The following PLXDC2 variants were observed in gnomAD, a reference collection of about 807,000 sequenced individuals.
The protein encoded by PLXDC2 is plexin domain containing 2.
PLXDC2 carries 40 observed loss-of-function variants against 68.9 expected under a neutral mutation model. The ratio of observed to expected loss-of-function variants is 0.58; its 90% confidence interval spans 0.45 to 0.76. The LOEUF (loss-of-function observed/expected upper bound fraction) is 0.76. Ranked by LOEUF, PLXDC2 falls within the 30% of genes least tolerant of loss-of-function variation. The pLI is 0.00. For missense variants in PLXDC2, 644 were observed against 661.9 expected (o/e 0.97, Z 0.30); for synonymous variants, 243 against 234.2 (o/e 1.04, Z -0.34).
At chr10:20,113,634 AT>A (rs1223633739) in intron 4 of PLXDC2, among the ~76,000 whole-genome samples, 10 of 152,068 alleles carry the variant, frequency 6.6e-5, no homozygotes, top group Non-Finnish European at 2.9e-5. Context: ...TTAAAAAAAA[AT>A]TTTTTTGAAC....
In PLXDC2 at chr10:19,929,552, T is replaced by A. The variant is rs147709208; in HGVS notation, c.113-72223T>A. Among the ~76,000 whole-genome samples the A allele has an allele frequency of 6.6e-3, 1,011 of 152,316 alleles. 17 individuals carry two copies. The highest frequency in any genetic ancestry group is 0.023 in the African/African-American group (958 of 41,568). ...ATCTTTTAAAAATCATGTTCTAAAGTGCCCTTGGATCTCTTTCCTTCTGAC... is the reference window on the plus strand; with the variant it reads ...ATCTTTTAAAAATCATGTTCTAAAGAGCCCTTGGATCTCTTTCCTTCTGAC... On this transcript the variant is annotated intron_variant, in intron 1 of 13. Coordinates refer to ENST00000377252, the MANE Select transcript of PLXDC2 (RefSeq NM_032812.9).
Position 20,282,708 on chromosome 10 carries a change from C to T in PLXDC2, c.*2889C>T, listed in dbSNP as rs1432027013. The T allele has an allele frequency of 2.0e-5, 3 of 152,114 alleles. No homozygotes were observed. Among genetic ancestry groups the T allele is most frequent in the African/African-American group, 7.2e-5 (3 of 41,422 alleles). 9.4% of individuals were successfully genotyped at this position (152,114 alleles called of 1,614,324 possible). A position where few individuals can be genotyped will look rare whatever the true frequency, so the allele number is the denominator to read the frequency against. On this transcript the variant is annotated 3_prime_UTR_variant, in exon 14 of 14. Coordinates refer to ENST00000377252, the MANE Select transcript of PLXDC2 (RefSeq NM_032812.9). ...TTGCAAAAATTCAAAAAATTGCAACCTCAGGCATAAATGGCTTAAGCCCAA... is the reference window on the plus strand; with the variant it reads ...TTGCAAAAATTCAAAAAATTGCAACTTCAGGCATAAATGGCTTAAGCCCAA...
At chr10:19,907,305 T>A (rs1373262263) in intron 1 of PLXDC2, among the ~76,000 whole-genome samples, 2 of 152,238 alleles carry the variant, frequency 1.3e-5, no homozygotes, top group Non-Finnish European at 2.9e-5. Flanking sequence ...CACTTGTGTC[T>A]TATTATCCAG....
chr10:19,956,137 G>T (rs1834065365), intron 1 of PLXDC2, among the ~76,000 whole-genome samples: 1 of 151,876 alleles, frequency 6.6e-6, no homozygotes, highest in Non-Finnish European at 1.5e-5. Flanking sequence ...ATCTCTATTA[G>T]GCTGTAAATT....
intron 3 of PLXDC2, among the ~76,000 whole-genome samples, chr10:20,051,573 T>C (rs1368242459): frequency 6.6e-6 from 1 of 151,838 alleles, no homozygotes; most frequent in African/African-American, 2.4e-5. Context: ...GTTTGGCCTC[T>C]GTCTTGTCAG....
intron 1 of PLXDC2, among the ~76,000 whole-genome samples, chr10:19,986,273 C>G (rs1180100706): frequency 6.6e-6 from 1 of 151,798 alleles, no homozygotes; most frequent in Non-Finnish European, 1.5e-5. Context: ...TAAATACAGT[C>G]GAGTTAGGAT....
chr10:20,188,968 G>A (rs1227490616), intron 9 of PLXDC2, among the ~76,000 whole-genome samples: 2 of 151,050 alleles, frequency 1.3e-5, no homozygotes, highest in East Asian at 4.0e-4. Context: ...GAGATAAATT[G>A]AACTTTGAAT....
At chr10:20,111,535 T>C (rs545259294) in intron 4 of PLXDC2, among the ~76,000 whole-genome samples, 5 of 152,360 alleles carry the variant, frequency 3.3e-5, no homozygotes, top group African/African-American at 1.2e-4. Flanking sequence ...TTTGGTTTAG[T>C]TTAGTTCAAA....
At chr10:19,997,566 T>C (rs1404612263) in intron 1 of PLXDC2, among the ~76,000 whole-genome samples, 2 of 152,214 alleles carry the variant, frequency 1.3e-5, no homozygotes, top group Non-Finnish European at 2.9e-5. Context: ...CAAAAAATGT[T>C]CAAATGTTTT....
At chr10:19,840,964 C>A (rs1428050062) in intron 1 of PLXDC2, among the ~76,000 whole-genome samples, 1 of 152,112 alleles carries the variant, frequency 6.6e-6, no homozygotes, top group African/African-American at 2.4e-5. Context: ...ATTACTGCCA[C>A]CAATTTAATT....
rs1034988618 is a variant in PLXDC2 at position 20,166,343 on chromosome 10, G to C, written c.883+1776G>C. On this transcript the variant is annotated intron_variant, in intron 7 of 13. Coordinates refer to ENST00000377252, the MANE Select transcript of PLXDC2 (RefSeq NM_032812.9). ...TCTCCTTGTTAGCTGAGAATTTGTG[G>C]GAGGCAATATTCAAGGGAATTGTTA... Among the ~76,000 whole-genome samples, 4 of 152,072 alleles carry C rather than the reference G, an allele frequency of 2.6e-5. No homozygotes were observed. In the South Asian group the frequency reaches 8.3e-4, roughly 32 times the overall value.
intron 4 of PLXDC2, among the ~76,000 whole-genome samples, chr10:20,110,307 G>C (rs1833542283): frequency 6.6e-6 from 1 of 152,142 alleles, no homozygotes; most frequent in African/African-American, 2.4e-5. Context: ...AGACAGGATA[G>C]ATTAATTAGT....
In PLXDC2 at chr10:19,816,631, G is replaced by C. The variant is rs530558039; in HGVS notation, c.-449G>C. Reference sequence around the variant, plus strand: ...CTAGACAGAGGAAAGTTCCTGCAGAGCCGACCAGCCCTAGTGGATCTGGGG... The same window carrying C: ...CTAGACAGAGGAAAGTTCCTGCAGACCCGACCAGCCCTAGTGGATCTGGGG... On this transcript the variant is annotated 5_prime_UTR_variant, in exon 1 of 14. Transcript: ENST00000377252. The C allele has an allele frequency of 5.2e-6, 1 of 191,966 alleles. No individual in the cohort carries two copies. Among genetic ancestry groups the C allele is most frequent in the Admixed American group, 5.3e-5 (1 of 18,796 alleles). The allele number at this position is 191,966 out of a possible 1,614,324, so 11.9% of individuals were successfully genotyped here.
At chr10:20,098,346 C>CGCGT (rs1554766417) in intron 4 of PLXDC2, among the ~76,000 whole-genome samples, 55 of 103,120 alleles carry the variant, frequency 5.3e-4, no homozygotes, top group African/African-American at 1.7e-3. Flanking sequence ...CATTTTCGTG[C>CGCGT]GTGTGTGTGT....
At chr10:19,891,300 C>T (rs1034024900) in intron 1 of PLXDC2, among the ~76,000 whole-genome samples, 11 of 152,186 alleles carry the variant, frequency 7.2e-5, no homozygotes, top group South Asian at 4.1e-4. Context: ...TAAAAGCACA[C>T]GATTTCTTGG....
intron 1 of PLXDC2, among the ~76,000 whole-genome samples, chr10:19,818,423 C>G (rs571324021): frequency 6.6e-6 from 1 of 152,132 alleles, no homozygotes; most frequent in South Asian, 2.1e-4. Context: ...TACCAAGCCG[C>G]GACTTAGAAG....
chr10:19,938,929 C>T (rs1452014205), intron 1 of PLXDC2, among the ~76,000 whole-genome samples: 1 of 152,036 alleles, frequency 6.6e-6, no homozygotes, highest in African/African-American at 2.4e-5. Flanking sequence ...AATGATGTTC[C>T]TAACTGAAGA....
chr10:20,159,039 C>T (rs761015034), intron 6 of PLXDC2, among the ~76,000 whole-genome samples: 13 of 152,116 alleles, frequency 8.5e-5, no homozygotes, highest in Non-Finnish European at 1.8e-4. Flanking sequence ...CAAAAGAGTA[C>T]AGTTTTAGAA....
intron 9 of PLXDC2, among the ~76,000 whole-genome samples, chr10:20,208,627 T>C (rs1286811451): frequency 2.0e-5 from 3 of 152,326 alleles, no homozygotes; most frequent in African/African-American, 4.8e-5. Flanking sequence ...AAAGATATTA[T>C]GTATCAGATA....
Sources: allele counts gnomAD v4.1 joint callset (sites outside exome capture counted in the v4.1 genomes callset), GRCh38; gene constraint gnomAD v4.1.1; transcripts MANE v1.5; gene names NCBI Gene and HGNC (gene_info 2026-07-23, HGNC 2026-07-21).